TEC: variants seen among roughly 807,000 people sequenced by gnomAD.
TEC encodes the protein tec protein tyrosine kinase, also known as tyrosine-protein kinase Tec.
A neutral mutation model predicts 93.0 loss-of-function variants in TEC; 72 were observed. That is an observed-to-expected ratio of 0.77 (90% CI 0.64 to 0.94). The LOEUF (loss-of-function observed/expected upper bound fraction) is 0.94. Ranked by LOEUF, TEC falls within the 40% of genes least tolerant of loss-of-function variation. TEC has a pLI of 0.00. For synonymous variants in TEC, 249 were observed against 247.7 expected (o/e 1.01, Z -0.05); for missense variants, 630 against 757.9 (o/e 0.83, Z 1.98).
rs188223391 is a variant in TEC, at chr4:48,146,046, T to C, written c.1081+279A>G. ...TCCTTACTCACGTTCTTGTAGCCAA[T>C]AAAGCTAGTGAGAACCAGGAAGGGC... On this transcript the variant is annotated intron_variant, in intron 12 of 17. Transcript: ENST00000381501. Among the ~76,000 whole-genome samples, 5 of 152,312 alleles carry C rather than the reference T, an allele frequency of 3.3e-5. No homozygotes were observed. In the East Asian group the frequency reaches 7.7e-4, roughly 23 times the overall value.
At chr4:48,203,173 G>A (rs1288195400) in intron 2 of TEC, among the ~76,000 whole-genome samples, 4 of 152,114 alleles carry the variant, frequency 2.6e-5, no homozygotes, top group African/African-American at 9.7e-5. Flanking sequence ...AGACCAGCCT[G>A]GCCAACACAG....
chr4:48,149,501 T>C, intron 11 of TEC, 56 bp downstream of exon 11: 2 of 1,478,076 alleles, frequency 1.4e-6, no homozygotes, highest in Middle Eastern at 1.9e-4. Flanking sequence ...AATCACAGTA[T>C]CTGATCATTT....
At chr4:48,198,009 C>G (rs1350083565) in intron 2 of TEC, among the ~76,000 whole-genome samples, 1 of 152,222 alleles carries the variant, frequency 6.6e-6, no homozygotes, top group East Asian at 1.9e-4. Context: ...TCTCTCTCTG[C>G]CTGACTCCAT....
rs1553892128 is a variant in TEC, at chr4:48,212,110, A to ATAT, written c.138+16366_138+16367insATA. On this transcript the variant is annotated intron_variant, in intron 2 of 17. Coordinates refer to ENST00000381501, the MANE Select transcript of TEC (RefSeq NM_003215.3). ...TGAGACTCTGTCTCAAAAAAAAAAA[A>ATAT]ATATATATATATATATATATATGTA... Among the ~76,000 whole-genome samples, 13 of 122,250 alleles carry ATAT rather than the reference A, an allele frequency of 1.1e-4. No individual in the cohort carries two copies. In the South Asian group the frequency reaches 2.7e-3, roughly 26 times the overall value. The allele number at this position is 122,250 out of a possible 152,430, so 80.2% of individuals were successfully genotyped here.
chr4:48,242,489 T>C (rs1363404648), intron 1 of TEC, among the ~76,000 whole-genome samples: 1 of 152,230 alleles, frequency 6.6e-6, no homozygotes, highest in African/African-American at 2.4e-5. Flanking sequence ...TCTTTCACCA[T>C]GTGTAGTTCC....
At chr4:48,236,407 G>A (rs930515110) in intron 1 of TEC, among the ~76,000 whole-genome samples, 13 of 151,364 alleles carry the variant, frequency 8.6e-5, no homozygotes, top group Non-Finnish European at 1.6e-4. Flanking sequence ...TCAGCCTCCC[G>A]AGTAGCTGGG....
chr4:48,141,685 CTT>C (rs377475900), intron 14 of TEC: 1,239 of 201,200 alleles, frequency 6.2e-3, no homozygotes, highest in South Asian at 0.016. Context: ...TCTTTTCTTT[CTT>C]TTTTTTTTTT....
chr4:48,202,764 G>A (rs1172120929), intron 2 of TEC, among the ~76,000 whole-genome samples: 1 of 152,152 alleles, frequency 6.6e-6, no homozygotes, highest in African/African-American at 2.4e-5. Context: ...GGAAGAAAGT[G>A]GCTATGCTCA....
chr4:48,202,627 C>G (rs573292986), intron 2 of TEC, among the ~76,000 whole-genome samples: 1 of 152,256 alleles, frequency 6.6e-6, no homozygotes, highest in Admixed American at 6.5e-5. Flanking sequence ...TCAAGGCTTA[C>G]CATATGCCAG....
intron 2 of TEC, among the ~76,000 whole-genome samples, chr4:48,192,473 A>T (rs1722127463): frequency 6.6e-6 from 1 of 152,190 alleles, no homozygotes; most frequent in Non-Finnish European, 1.5e-5. Context: ...AAACTCATCA[A>T]ATAATGCAAT....
chr4:48,239,759 CA>C (rs964495935), intron 1 of TEC, among the ~76,000 whole-genome samples: 4 of 149,300 alleles, frequency 2.7e-5, no homozygotes, highest in African/African-American at 9.9e-5. Flanking sequence ...CTTTCCTTAA[CA>C]AAAAAAAATT....
intron 2 of TEC, among the ~76,000 whole-genome samples, chr4:48,193,335 TTTTC>T: frequency 6.6e-6 from 1 of 152,188 alleles, no homozygotes; most frequent in East Asian, 1.9e-4. Flanking sequence ...CTTCTATCTT[TTTTC>T]TTTCTTCTGC....
chr4:48,189,484 A>T (rs1276637897), intron 2 of TEC, among the ~76,000 whole-genome samples: 1 of 152,246 alleles, frequency 6.6e-6, no homozygotes, highest in African/African-American at 2.4e-5. Flanking sequence ...CGAGGTTTCA[A>T]TACATTTTAC....
intron 1 of TEC, among the ~76,000 whole-genome samples, chr4:48,231,197 C>A (rs1331269571): frequency 6.6e-6 from 1 of 152,134 alleles, no homozygotes. Context: ...AACTCTTGTA[C>A]CTCTTTATCC....
At chr4:48,201,090 AT>A (rs1722490000) in intron 2 of TEC, among the ~76,000 whole-genome samples, 1 of 152,170 alleles carries the variant, frequency 6.6e-6, no homozygotes, top group African/African-American at 2.4e-5. Context: ...GGTGGCACAG[AT>A]GGGAGGAGAA....
intron 2 of TEC, among the ~76,000 whole-genome samples, chr4:48,182,186 G>A (rs1186525642): frequency 2.0e-5 from 3 of 151,774 alleles, no homozygotes; most frequent in Admixed American, 6.6e-5. Flanking sequence ...TCTGGAGGCT[G>A]AGGCATGAGA....
At position 48,173,609 on chromosome 4, in the gene TEC, T is replaced by C. The variant is rs189471376; in HGVS notation, c.244-2160A>G. 4.3e-3 allele frequency among the ~76,000 whole-genome samples: 654 copies of C among 152,308 alleles called. 13 individuals carry two copies. The highest frequency in any genetic ancestry group is 0.032 in the Admixed American group (486 of 15,298). On this transcript the variant is annotated intron_variant, in intron 3 of 17. Transcript: ENST00000381501. ...AGGGAAGAGCTTTGCAAACTTCAAG[T>C]GCAGAAACCATTTAAACAAGGAGGG...
intron 14 of TEC, among the ~76,000 whole-genome samples, chr4:48,143,817 T>G (rs555632762): frequency 6.6e-6 from 1 of 152,280 alleles, no homozygotes; most frequent in Admixed American, 6.5e-5. Context: ...AGTTTCCTCA[T>G]CTGTAAAAAG....
intron 1 of TEC, among the ~76,000 whole-genome samples, chr4:48,239,691 A>T (rs1446229031): frequency 6.6e-6 from 1 of 152,170 alleles, no homozygotes; most frequent in Non-Finnish European, 1.5e-5. Context: ...ATGTTTTTAA[A>T]ATAGGAATGA....
Sources: allele counts gnomAD v4.1 joint callset (sites outside exome capture counted in the v4.1 genomes callset), GRCh38; gene constraint gnomAD v4.1.1; transcripts MANE v1.5; gene names NCBI Gene and HGNC (gene_info 2026-07-23, HGNC 2026-07-21).